BRAF: variants seen among roughly 807,000 people sequenced by gnomAD.
The protein encoded by BRAF is B-Raf proto-oncogene, serine/threonine kinase, also known as serine/threonine-protein kinase B-raf.
A neutral mutation model predicts 104.6 loss-of-function variants in BRAF; 16 were observed. The observed-to-expected ratio is 0.15, with a 90% CI of 0.10 to 0.23. The LOEUF is 0.23. BRAF is among the 10% of genes least tolerant of loss of function. The probability of loss-of-function intolerance (pLI) is 1.00; values close to 1 mark genes in which losing one functional copy is unlikely to be tolerated. For synonymous variants in BRAF, 310 were observed against 341.6 expected (o/e 0.91, Z 1.02); for missense variants, 541 against 937.3 (o/e 0.58, Z 5.52).
At position 140,725,056 on chromosome 7, in the gene BRAF, G is replaced by A. The variant is rs1795525190; in HGVS notation, c.*1438C>T. ...CCTCAGTCCTAATATCCCTAAAATTGCTCTATTCTCTGTCTGGGAATTCAG... is the reference window on the plus strand; with the variant it reads ...CCTCAGTCCTAATATCCCTAAAATTACTCTATTCTCTGTCTGGGAATTCAG... On this transcript the variant is annotated 3_prime_UTR_variant, in exon 20 of 20. Transcript: ENST00000644969. The A allele has an allele frequency of 1.1e-5, 11 of 1,046,538 alleles. No individual in the cohort carries two copies. The highest frequency in any genetic ancestry group is 1.3e-5 in the Non-Finnish European group (11 of 867,464). 64.8% of individuals were successfully genotyped at this position (1,046,538 alleles called of 1,614,324 possible). A position where few individuals can be genotyped will look rare whatever the true frequency, so the allele number is the denominator to read the frequency against.
At chr7:140,808,165 G>T in intron 4 of BRAF, 103 bp from the exon 5 acceptor site, 2 of 872,722 alleles carry the variant, frequency 2.3e-6, no homozygotes, top group Non-Finnish European at 3.8e-6. Context: ...GCTAGTAACA[G>T]TGAGGGAGGT....
intron 1 of BRAF, among the ~76,000 whole-genome samples, chr7:140,863,823 G>A (rs986168908): frequency 2.0e-5 from 3 of 152,180 alleles, no homozygotes; most frequent in South Asian, 2.1e-4. Context: ...GGCCTCCCCA[G>A]AAGGTGAGCA....
rs1471253762 is a variant in BRAF at position 140,724,374 on chromosome 7, T to C, written c.*2120A>G. On this transcript the variant is annotated 3_prime_UTR_variant, in exon 20 of 20. Transcript: ENST00000644969. ...ACATTTAAAAGCATCTAGAGATATA[T>C]TTAAAAAGAAAAAACAGCCAATGCT... 3.8e-6 allele frequency: 4 copies of C among 1,054,828 alleles called. No homozygotes were observed. Among genetic ancestry groups the C allele is most frequent in the Non-Finnish European group, 4.6e-6 (4 of 872,878 alleles). The allele number at this position is 1,054,828 out of a possible 1,614,324, so 65.3% of individuals were successfully genotyped here.
intron 1 of BRAF, 82 bp from the exon 2 acceptor site, chr7:140,850,294 C>T (rs1809024475): frequency 9.7e-7 from 1 of 1,028,630 alleles, no homozygotes; most frequent in East Asian, 2.6e-5. Flanking sequence ...AACTACATCA[C>T]AGTAACTGCC....
Position 140,723,176 on chromosome 7 carries a change from G to A in BRAF, c.*3318C>T, listed in dbSNP as rs1452098764. On this transcript the variant is annotated 3_prime_UTR_variant, in exon 20 of 20. Transcript: ENST00000644969. The stretch of plus-strand genomic sequence containing the variant: ...CAGCTGGCGGGTGGATGTACAGTGG[G>A]GACAGGTGAGATCTGAGGAGGATGT... The A allele has an allele frequency of 9.5e-7, 1 of 1,053,828 alleles. No individual in the cohort carries two copies. Among genetic ancestry groups the A allele is most frequent in the African/African-American group, 1.7e-5 (1 of 60,344 alleles). 65.3% of individuals were successfully genotyped at this position (1,053,828 alleles called of 1,614,324 possible). A position where few individuals can be genotyped will look rare whatever the true frequency, so the allele number is the denominator to read the frequency against.
At chr7:140,923,142 G>C (rs1054113245) in intron 1 of BRAF, among the ~76,000 whole-genome samples, 1 of 152,076 alleles carries the variant, frequency 6.6e-6, no homozygotes, top group Non-Finnish European at 1.5e-5. Context: ...TCATAAACAA[G>C]CTGATGCTGA....
chr7:140,765,569 C>G (rs1312424597), intron 14 of BRAF, among the ~76,000 whole-genome samples: 1 of 152,026 alleles, frequency 6.6e-6, no homozygotes, highest in African/African-American at 2.4e-5. Flanking sequence ...GGGCTAATAT[C>G]CAGAATCTAC....
intron 1 of BRAF, among the ~76,000 whole-genome samples, chr7:140,893,677 G>A (rs909009101): frequency 3.3e-5 from 5 of 152,130 alleles, no homozygotes; most frequent in East Asian, 3.9e-4. Context: ...AACCCCACCC[G>A]CCACACCACC....
At chr7:140,846,104 C>T (rs1562992015) in intron 2 of BRAF, among the ~76,000 whole-genome samples, 1 of 152,084 alleles carries the variant, frequency 6.6e-6, no homozygotes, top group Non-Finnish European at 1.5e-5. Context: ...GGTGTGGCAA[C>T]TCCAGAAAAA....
intron 1 of BRAF, among the ~76,000 whole-genome samples, chr7:140,879,393 G>A (rs915698426): frequency 7.3e-5 from 11 of 151,706 alleles, no homozygotes; most frequent in African/African-American, 2.4e-4. Flanking sequence ...TGTTGGCCAG[G>A]ATGGTTTCGA....
intron 19 of BRAF, among the ~76,000 whole-genome samples, chr7:140,729,815 C>G (rs1423350279): frequency 6.6e-6 from 1 of 152,056 alleles, no homozygotes; most frequent in East Asian, 1.9e-4. Context: ...TGGTACTGCA[C>G]CACTGCATTC....
At chr7:140,761,305 G>A (rs1024826303) in intron 14 of BRAF, among the ~76,000 whole-genome samples, 1 of 152,004 alleles carries the variant, frequency 6.6e-6, no homozygotes, top group Non-Finnish European at 1.5e-5. Flanking sequence ...ATAAGTGAAG[G>A]AGAAATAAAA....
chr7:140,892,432 A>C (rs1428035834), intron 1 of BRAF, among the ~76,000 whole-genome samples: 1 of 152,196 alleles, frequency 6.6e-6, no homozygotes. Context: ...TAATATGTAA[A>C]ATACAGAAAT....
chr7:140,735,280 C>T (rs1314277003), intron 18 of BRAF, among the ~76,000 whole-genome samples: 1 of 152,186 alleles, frequency 6.6e-6, no homozygotes, highest in Non-Finnish European at 1.5e-5. Context: ...ACCTCACAGA[C>T]CCAGAGTGCT....
chr7:140,806,767 C>T (rs570463870), intron 5 of BRAF, among the ~76,000 whole-genome samples: 1 of 152,214 alleles, frequency 6.6e-6, no homozygotes, highest in Admixed American at 6.5e-5. Context: ...ATTTGATTGA[C>T]ATTAGGTGTA....
intron 14 of BRAF, among the ~76,000 whole-genome samples, chr7:140,770,598 G>C (rs770789824): frequency 1.4e-5 from 2 of 145,396 alleles, no homozygotes; most frequent in African/African-American, 5.1e-5. Flanking sequence ...GTATTCTTAA[G>C]ATATCTGGGT....
In BRAF at chr7:140,924,757, G is replaced by GGGAGGCGGAGAGCTGGGGGAGGC. The variant is rs1203828494; in HGVS notation, c.-77_-55dup. On this transcript the variant is annotated 5_prime_UTR_variant, in exon 1 of 20. Coordinates refer to ENST00000644969, the MANE Select transcript of BRAF (RefSeq NM_001374258.1). The surrounding 1 kb of genome is among the most constrained non-coding windows in gnomAD (Gnocchi z 4.2). The stretch of plus-strand genomic sequence containing the variant: ...GCCGCTGTCGGGCGGGGAGGGGGAA[G>GGGAGGCGGAGAGCTGGGGGAGGC]GGAGGCGGAGAGCTGGGGGAGGCGG... The GGGAGGCGGAGAGCTGGGGGAGGC allele has an allele frequency of 8.9e-6, 6 of 677,356 alleles. No individual in the cohort carries two copies. The highest frequency in any genetic ancestry group is 1.6e-5 in the South Asian group (1 of 60,688). 42.0% of individuals were successfully genotyped at this position (677,356 alleles called of 1,614,324 possible).
chr7:140,751,352 G>A (rs987383664), intron 16 of BRAF, among the ~76,000 whole-genome samples: 2 of 152,080 alleles, frequency 1.3e-5, no homozygotes, highest in Non-Finnish European at 2.9e-5. Flanking sequence ...TTTAGGTTTT[G>A]CAATTTCAGC....
chr7:140,923,070 T>C (rs1586668105), intron 1 of BRAF, among the ~76,000 whole-genome samples: 2 of 152,210 alleles, frequency 1.3e-5, no homozygotes, highest in South Asian at 2.1e-4. Context: ...GATCAAATGA[T>C]GGTACAGAAC....
Sources: gnomAD v4.1 joint callset for allele counts (sites outside exome capture counted in the v4.1 genomes callset) on GRCh38, gnomAD v4.1.1 for gene constraint, Gnocchi (gnomAD v3.1) non-coding constraint, MANE v1.5 for transcripts, NCBI Gene and HGNC (gene_info 2026-07-23, HGNC 2026-07-21) for gene names.